B3GALT1: variants seen among roughly 807,000 people sequenced by gnomAD.
B3GALT1 encodes beta-1,3-galactosyltransferase 1.
A neutral mutation model predicts 23.2 loss-of-function variants in B3GALT1; 10 were observed. The observed-to-expected ratio is 0.43, with a 90% confidence interval of 0.27 to 0.73. The LOEUF is 0.73. B3GALT1 is among the 30% of genes least tolerant of loss of function. The pLI, the probability that B3GALT1 is intolerant of heterozygous loss-of-function variation, is 0.21. For missense variants in B3GALT1, 299 were observed against 405.4 expected (o/e 0.74, Z 2.25); for synonymous variants, 156 against 141.5 (o/e 1.10, Z -0.73).
intron 1 of B3GALT1, among the ~76,000 whole-genome samples, chr2:167,342,067 G>T (rs1380783584): frequency 6.6e-6 from 1 of 152,064 alleles, no homozygotes; most frequent in Non-Finnish European, 1.5e-5. Context: ...ACTCAGCAGA[G>T]AAATAACTAA....
At chr2:167,708,463 C>T (rs1686997656) in intron 3 of B3GALT1, among the ~76,000 whole-genome samples, 1 of 152,112 alleles carries the variant, frequency 6.6e-6, no homozygotes, top group African/African-American at 2.4e-5. Context: ...GAGTTCAAGA[C>T]CAGCCTGACC....
intron 2 of B3GALT1, among the ~76,000 whole-genome samples, chr2:167,523,427 T>C (rs200762349): frequency 5.1e-3 from 242 of 47,136 alleles, no homozygotes; most frequent in Non-Finnish European, 6.7e-3. Flanking sequence ...TGTGTATCCC[T>C]TTTTTTTTTT....
At chr2:167,325,452 G>A (rs898330567) in intron 1 of B3GALT1, among the ~76,000 whole-genome samples, 3 of 151,778 alleles carry the variant, frequency 2.0e-5, no homozygotes, top group African/African-American at 4.8e-5. Context: ...GAGGTGCTAC[G>A]TACTTTTAAA....
chr2:167,518,749 A>G (rs1700139732), intron 2 of B3GALT1, among the ~76,000 whole-genome samples: 1 of 152,214 alleles, frequency 6.6e-6, no homozygotes, highest in Admixed American at 6.5e-5. Flanking sequence ...GCTACAGTGC[A>G]TTTGAAGGAA....
intron 1 of B3GALT1, among the ~76,000 whole-genome samples, chr2:167,425,796 G>T (rs1006401183): frequency 1.3e-5 from 2 of 152,086 alleles, no homozygotes; most frequent in Non-Finnish European, 2.9e-5. Flanking sequence ...CACTAATTTT[G>T]TAATTATGAG....
At chr2:167,750,589 T>C (rs2105285896) in intron 3 of B3GALT1, among the ~76,000 whole-genome samples, 1 of 152,258 alleles carries the variant, frequency 6.6e-6, no homozygotes, top group Admixed American at 6.5e-5. Flanking sequence ...TCAACCAGGT[T>C]GGTACCTGGG....
At chr2:167,572,614 G>A (rs1253564505) in intron 2 of B3GALT1, among the ~76,000 whole-genome samples, 1 of 151,760 alleles carries the variant, frequency 6.6e-6, no homozygotes, top group Non-Finnish European at 1.5e-5. Context: ...GTGTCTGCTT[G>A]CATATCTGGT....
chr2:167,420,074 C>A (rs1287212433), intron 1 of B3GALT1, among the ~76,000 whole-genome samples: 1 of 152,196 alleles, frequency 6.6e-6, no homozygotes, highest in Non-Finnish European at 1.5e-5. Flanking sequence ...CTTAGAGCAT[C>A]ATTCCAAAGT....
chr2:167,424,087 T>C (rs1182863210), intron 1 of B3GALT1, among the ~76,000 whole-genome samples: 1 of 152,172 alleles, frequency 6.6e-6, no homozygotes, highest in Admixed American at 6.5e-5. Context: ...CCAAGCAGAT[T>C]CAACGTCTCT....
chr2:167,835,648 A>T (rs1416836222), intron 4 of B3GALT1, among the ~76,000 whole-genome samples: 2 of 152,232 alleles, frequency 1.3e-5, no homozygotes, highest in African/African-American at 4.8e-5. Context: ...TGCAGACTTA[A>T]ATGTCCCTGT....
intron 3 of B3GALT1, among the ~76,000 whole-genome samples, chr2:167,665,792 G>T (rs561673281): frequency 1.3e-5 from 2 of 152,146 alleles, no homozygotes; most frequent in African/African-American, 4.8e-5. Context: ...TTGTATTTCC[G>T]TGGGATCGGT....
chr2:167,583,417 T>G (rs1398266944), intron 2 of B3GALT1, among the ~76,000 whole-genome samples: 1 of 152,192 alleles, frequency 6.6e-6, no homozygotes, highest in Non-Finnish European at 1.5e-5. Flanking sequence ...ATTCATTTTT[T>G]CTCCCTCTCT....
At chr2:167,635,806 G>A (rs1685542386) in intron 2 of B3GALT1, among the ~76,000 whole-genome samples, 1 of 151,998 alleles carries the variant, frequency 6.6e-6, no homozygotes. Flanking sequence ...TCCCTATCAA[G>A]CTACCACTGA....
At position 167,549,269 on chromosome 2, in the gene B3GALT1, A is replaced by T. The variant is rs192347929; in HGVS notation, c.-410+58992A>T. ...GTGTTAGTATCCCTATTTTGCAAAG[A>T]AGGAAACAGAATCAAAGAGGCTCAT... On this transcript the variant is annotated intron_variant, in intron 2 of 4. Coordinates refer to ENST00000392690, the MANE Select transcript of B3GALT1 (RefSeq NM_020981.4). 7.3e-3 allele frequency among the ~76,000 whole-genome samples: 1,109 copies of T among 152,286 alleles called. 7 individuals carry two copies. Among genetic ancestry groups the T allele is most frequent in the Non-Finnish European group, 0.012 (827 of 68,018 alleles).
At chr2:167,457,728 C>A (rs1699193678) in intron 1 of B3GALT1, among the ~76,000 whole-genome samples, 1 of 152,048 alleles carries the variant, frequency 6.6e-6, no homozygotes, top group Non-Finnish European at 1.5e-5. Context: ...TGGGGCAAGT[C>A]ATTTGGTGTT....
At chr2:167,727,761 G>A (rs750812197) in intron 3 of B3GALT1, among the ~76,000 whole-genome samples, 10 of 151,964 alleles carry the variant, frequency 6.6e-5, no homozygotes, top group South Asian at 2.1e-4. Context: ...TCTTACATTC[G>A]GGGTTGATAT....
chr2:167,645,954 C>A (rs1214419375), intron 2 of B3GALT1, among the ~76,000 whole-genome samples: 7 of 152,028 alleles, frequency 4.6e-5, no homozygotes, highest in Non-Finnish European at 1.0e-4. Flanking sequence ...AGGAGAATGG[C>A]TTCAAAAGCT....
At chr2:167,635,351 G>T (rs1685531475) in intron 2 of B3GALT1, among the ~76,000 whole-genome samples, 1 of 152,064 alleles carries the variant, frequency 6.6e-6, no homozygotes, top group South Asian at 2.1e-4. Flanking sequence ...TCTGGCCAGG[G>T]CAATCAGGCA....
intron 4 of B3GALT1, among the ~76,000 whole-genome samples, chr2:167,832,078 A>C (rs1689365054): frequency 6.6e-6 from 1 of 152,204 alleles, no homozygotes. Context: ...ATAAGGCAGC[A>C]GCATGGCACC....
Sources: gnomAD v4.1 joint callset for allele counts (sites outside exome capture counted in the v4.1 genomes callset) on GRCh38, gnomAD v4.1.1 for gene constraint, MANE v1.5 for transcripts, NCBI Gene and HGNC (gene_info 2026-07-23, HGNC 2026-07-21) for gene names.